The following NEMF variants were observed in gnomAD, a reference collection of about 807,000 sequenced individuals.
NEMF encodes the protein ribosome quality control complex subunit NEMF.
A neutral mutation model predicts 162.2 loss-of-function variants in NEMF; 89 were observed. The ratio of observed to expected loss-of-function variants is 0.55; its 90% CI spans 0.46 to 0.65. The LOEUF (loss-of-function observed/expected upper bound fraction) is 0.65. Among genes scored for constraint, NEMF ranks in the 30% least tolerant of loss-of-function variants. The probability of loss-of-function intolerance (pLI) is 0.00; values close to 1 mark genes in which losing one functional copy is unlikely to be tolerated. For missense variants in NEMF, 1,133 were observed against 1,261.9 expected (o/e 0.90, Z 1.55); for synonymous variants, 421 against 404.5 (o/e 1.04, Z -0.49).
rs533793489 is a variant in NEMF, at chr14:49,824,404, G to A, written c.1577+1463C>T. On this transcript the variant is annotated intron_variant, in intron 16 of 32. Coordinates refer to ENST00000298310, the MANE Select transcript of NEMF (RefSeq NM_004713.6). The stretch of plus-strand genomic sequence containing the variant: ...CTAAAAATACAAAAATTAGCCAGGC[G>A]TGGTGGTGGGTGCCTGTAATCCCAG... Among the ~76,000 whole-genome samples, 140 of 151,524 alleles carry A rather than the reference G, an allele frequency of 9.2e-4. 1 individual carries two copies. The Middle Eastern group carries it at 0.031, about 33-fold the overall frequency.
At chr14:49,833,813 C>T (rs943156964) in intron 7 of NEMF, among the ~76,000 whole-genome samples, 2 of 152,278 alleles carry the variant, frequency 1.3e-5, no homozygotes, top group Middle Eastern at 3.4e-3. Flanking sequence ...TCTCCAAAAA[C>T]TTACAGTTTT....
chr14:49,812,935 C>T (rs753504283), intron 18 of NEMF, among the ~76,000 whole-genome samples: 1 of 151,972 alleles, frequency 6.6e-6, no homozygotes, highest in African/African-American at 2.4e-5. Context: ...GCCACCACAC[C>T]CAGCTAATTT....
chr14:49,842,441 A>T (rs1436613981), intron 4 of NEMF, among the ~76,000 whole-genome samples: 1 of 152,240 alleles, frequency 6.6e-6, no homozygotes, highest in East Asian at 1.9e-4. Flanking sequence ...GAACATAATG[A>T]AAATAAAGCT....
At chr14:49,797,228 C>T (rs1034048406) in intron 25 of NEMF, 3 of 152,042 alleles carry the variant, frequency 2.0e-5, no homozygotes, top group African/African-American at 7.3e-5. Flanking sequence ...TCTAGGGCCT[C>T]TTCCTGGAGT....
chr14:49,789,228 T>C lies in NEMF; in HGVS notation c.2813A>G (p.Asn938Ser). ...KPRGGQRVSD[N>S]IKKETPFLEV... ...AAGGAACGGAGTTTCTTTCTTAATGTTGTCAGAGACCCTCTGTCCACCTCT... is the reference window on the plus strand; with the variant it reads ...AAGGAACGGAGTTTCTTTCTTAATGCTGTCAGAGACCCTCTGTCCACCTCT... The change falls in exon 28 of 33, where the codon AAC (asparagine) becomes AGC (serine). Residue 938 changes from asparagine (N) to serine (S), a missense_variant. This residue lies in a region of NEMF where 532 missense variants were observed against 578.6 expected (regional missense o/e 0.92). Coordinates refer to ENST00000298310, the MANE Select transcript of NEMF (RefSeq NM_004713.6). 6.2e-7 allele frequency: 1 copy of C among 1,614,190 alleles called. No homozygotes were observed. Among genetic ancestry groups the C allele is most frequent in the Non-Finnish European group, 8.5e-7 (1 of 1,180,000 alleles).
At chr14:49,833,674 A>T (rs1243608426) in intron 7 of NEMF, among the ~76,000 whole-genome samples, 178 bp from the exon 8 acceptor site, 1 of 152,192 alleles carries the variant, frequency 6.6e-6, no homozygotes, top group Non-Finnish European at 1.5e-5. Context: ...TTTCATTTTG[A>T]ACAGCCTGTT....
intron 16 of NEMF, among the ~76,000 whole-genome samples, chr14:49,824,166 T>C (rs1021426615): frequency 6.7e-6 from 1 of 149,418 alleles, no homozygotes; most frequent in African/African-American, 2.5e-5. Context: ...TGAGACTCTG[T>C]CTCAAAAAAA....
chr14:49,838,875 T>C (rs994104353), intron 5 of NEMF, among the ~76,000 whole-genome samples: 14 of 152,102 alleles, frequency 9.2e-5, no homozygotes, highest in South Asian at 8.3e-4. Flanking sequence ...TGAGACACCG[T>C]GCCCAGCCAG....
At chr14:49,826,194 C>G (rs1892333948) in intron 15 of NEMF, among the ~76,000 whole-genome samples, 1 of 151,914 alleles carries the variant, frequency 6.6e-6, no homozygotes, top group East Asian at 1.9e-4. Flanking sequence ...AATATTTGCC[C>G]AAGACCTACA....
chr14:49,813,824 A>G (rs901425356), intron 18 of NEMF, among the ~76,000 whole-genome samples, 164 bp downstream of exon 18: 1 of 152,042 alleles, frequency 6.6e-6, no homozygotes, highest in African/African-American at 2.4e-5. Flanking sequence ...GTCTGGTCTC[A>G]AACTCCTGGC....
intron 28 of NEMF, 117 bp downstream of exon 28, chr14:49,789,029 A>G (rs1890318180): frequency 1.3e-6 from 1 of 768,020 alleles, no homozygotes; most frequent in Admixed American, 2.3e-5. Flanking sequence ...ATGACATTCC[A>G]TTAAGAATAG....
In NEMF at chr14:49,838,127, A is replaced by G; in HGVS notation, c.574+12T>C. The stretch of plus-strand genomic sequence containing the variant: ...TTGCAAACATTTCACTGCTATTTGC[A>G]GGAATACTCACGAAGTAATGGGTTA... On this transcript the variant is annotated intron_variant, in intron 6 of 32. Coordinates refer to ENST00000298310, the MANE Select transcript of NEMF (RefSeq NM_004713.6). 1.3e-6 allele frequency: 2 copies of G among 1,599,766 alleles called. No individual in the cohort carries two copies. Among genetic ancestry groups the G allele is most frequent in the Non-Finnish European group, 1.7e-6 (2 of 1,168,376 alleles).
At chr14:49,843,069 T>A (rs1399410491) in intron 4 of NEMF, among the ~76,000 whole-genome samples, 1 of 151,886 alleles carries the variant, frequency 6.6e-6, no homozygotes, top group Non-Finnish European at 1.5e-5. Flanking sequence ...AAAAGGACAT[T>A]TACTACACAA....
Position 49,786,348 on chromosome 14 carries a change from T to C in NEMF, c.2928+370A>G, listed in dbSNP as rs148222502. ...TGCTGCCTGTGAGATTGCCCCCATT[T>C]ATTTTACAATATGAATAAACTTAGA... is the stretch of plus-strand genomic sequence containing the variant. On this transcript the variant is annotated intron_variant, in intron 29 of 32. Transcript: ENST00000298310. The C allele has an allele frequency of 8.6e-4, 155 of 179,934 alleles. 1 individual carries two copies. Among genetic ancestry groups the C allele is most frequent in the Middle Eastern group, 5.0e-3 (2 of 404 alleles). The allele number at this position is 179,934 out of a possible 1,614,324, so 11.1% of individuals were successfully genotyped here.
At chr14:49,804,559 C>T (rs980246457) in intron 19 of NEMF, among the ~76,000 whole-genome samples, 6 of 151,548 alleles carry the variant, frequency 4.0e-5, no homozygotes, top group Non-Finnish European at 5.9e-5. Context: ...CCCAGCTACT[C>T]GGGAGGTTGA....
In NEMF at chr14:49,782,628, TA is replaced by T; in HGVS notation, c.*2007del. The T allele has an allele frequency of 6.5e-7, 1 of 1,543,482 alleles. No individual in the cohort carries two copies. Among genetic ancestry groups the T allele is most frequent in the Non-Finnish European group, 8.8e-7 (1 of 1,131,266 alleles). The stretch of plus-strand genomic sequence containing the variant: ...CTTTGTACTTGGCACTTAGATTATT[TA>T]AAATTGTGTTTCCTAAGACTTAGCA... On this transcript the variant is annotated 3_prime_UTR_variant, in exon 33 of 33. Transcript: ENST00000298310.
intron 15 of NEMF, among the ~76,000 whole-genome samples, chr14:49,826,806 G>T (rs1477939161): frequency 6.6e-6 from 1 of 152,118 alleles, no homozygotes; most frequent in East Asian, 1.9e-4. Flanking sequence ...TGGGCTGGGG[G>T]GAGTGTTTTT....
chr14:49,832,112 T>G lies in NEMF; in HGVS notation c.821A>C (p.His274Pro). ...VEDILTYEEF[H>P]PFLFSQHSQC... is the part of the protein sequence containing the mutation. ...TGAATGTTGAGAAAACAAGAAAGGA[T>G]GAAATTCCTCATACCTGTAAAACAT... Residue 274 changes from histidine to proline, a missense_variant, in exon 10 of 33, where the codon CAT (histidine) becomes CCT (proline). Transcript: ENST00000298310. 6.2e-7 allele frequency: 1 copy of G among 1,604,658 alleles called. No individual in the cohort carries two copies. The highest frequency in any genetic ancestry group is 1.3e-5 in the African/African-American group (1 of 74,564).
intron 16 of NEMF, among the ~76,000 whole-genome samples, chr14:49,824,518 T>C (rs1892240797): frequency 8.9e-6 from 1 of 112,110 alleles, no homozygotes; most frequent in Admixed American, 1.2e-4. Flanking sequence ...CACTCCAGCC[T>C]GGGCAATAAA....
Sources: allele counts gnomAD v4.1 joint callset (sites outside exome capture counted in the v4.1 genomes callset), GRCh38; gene constraint gnomAD v4.1.1; regional missense constraint gnomAD v4.1.1; transcripts MANE v1.5; gene names NCBI Gene and HGNC (gene_info 2026-07-23, HGNC 2026-07-21).